Variants in CNTN4 observed in about 807,000 individuals in gnomAD.
CNTN4 encodes contactin-4.
A neutral mutation model predicts 122.5 loss-of-function variants in CNTN4; 77 were observed. The observed-to-expected ratio is 0.63, with a 90% CI of 0.52 to 0.76. CNTN4 has a LOEUF of 0.76. Among genes scored for constraint, CNTN4 ranks in the 30% least tolerant of loss-of-function variants. The pLI, the probability that CNTN4 is intolerant of heterozygous loss-of-function variation, is 0.00. For missense variants in CNTN4, 1,256 were observed against 1,259.1 expected, an observed-to-expected ratio of 1.00 and a Z score of 0.04; for synonymous variants, 512 against 447.0, an observed-to-expected ratio of 1.15 and a Z score of -1.83.
chr3:2,896,736 C>A (rs1350390336), intron 10 of CNTN4, among the ~76,000 whole-genome samples: 1 of 152,210 alleles, frequency 6.6e-6, no homozygotes, highest in East Asian at 1.9e-4. Context: ...TGGGAAGCAT[C>A]TATGTATATA....
At chr3:2,177,507 G>C (rs1027671536) in intron 2 of CNTN4, among the ~76,000 whole-genome samples, 1 of 152,042 alleles carries the variant, frequency 6.6e-6, no homozygotes, top group African/African-American at 2.4e-5. Context: ...TTCTTTAGCA[G>C]GCTATTCAGC....
chr3:2,389,815 G>C (rs67583614), intron 3 of CNTN4, among the ~76,000 whole-genome samples: 24,691 of 151,952 alleles, frequency 0.16, 2,433 homozygotes, highest in Middle Eastern at 0.26. Flanking sequence ...TTGATGGGTT[G>C]CACTAAGAAA....
intron 2 of CNTN4, among the ~76,000 whole-genome samples, chr3:2,162,590 C>A (rs17194154): frequency 1.3e-5 from 2 of 152,020 alleles, no homozygotes; most frequent in Non-Finnish European, 2.9e-5. Context: ...GGGAGCTGTT[C>A]TGACCTGTTT....
chr3:2,507,953 G>A (rs1017522145), intron 3 of CNTN4, among the ~76,000 whole-genome samples: 2 of 151,934 alleles, frequency 1.3e-5, no homozygotes, highest in Non-Finnish European at 2.9e-5. Context: ...AGTGGTAGAT[G>A]AATATCAAGG....
chr3:2,690,336 AGTGTGTTC>A (rs1171466212), intron 4 of CNTN4, among the ~76,000 whole-genome samples: 2 of 152,090 alleles, frequency 1.3e-5, no homozygotes, highest in Non-Finnish European at 2.9e-5. Flanking sequence ...TAAAGTCCCA[AGTGTGTTC>A]GTTTCTAAGA....
At chr3:2,309,769 G>A (rs1194188596) in intron 2 of CNTN4, among the ~76,000 whole-genome samples, 1 of 152,134 alleles carries the variant, frequency 6.6e-6, no homozygotes, top group Non-Finnish European at 1.5e-5. Context: ...GACATAGTTT[G>A]TGGAACAAGC....
chr3:2,976,966 T>A (rs1693476320), intron 13 of CNTN4, among the ~76,000 whole-genome samples: 1 of 152,182 alleles, frequency 6.6e-6, no homozygotes, highest in Non-Finnish European at 1.5e-5. Flanking sequence ...CTGCCAGGCT[T>A]TTCTAATTTC....
intron 6 of CNTN4, among the ~76,000 whole-genome samples, chr3:2,812,077 A>T (rs2092626069): frequency 6.6e-6 from 1 of 152,202 alleles, no homozygotes; most frequent in Admixed American, 6.5e-5. Context: ...CTAAGATGAG[A>T]ACACGTGGAC....
chr3:2,838,692 C>T lies in CNTN4; in HGVS notation c.454+19111C>T, dbSNP rs114238178. Among the ~76,000 whole-genome samples the T allele has an allele frequency of 7.8e-3, 1,180 of 152,244 alleles. 6 individuals carry two copies. The highest frequency in any genetic ancestry group is 0.013 in the Non-Finnish European group (867 of 68,026). On this transcript the variant is annotated intron_variant, in intron 7 of 24. Transcript: ENST00000418658. Reference sequence around the variant, plus strand: ...CAGCTCTTGAAGCAGACTAATGATTCCCTGCTGACTATCTGCTCTGCTTGC... The same window carrying T: ...CAGCTCTTGAAGCAGACTAATGATTTCCTGCTGACTATCTGCTCTGCTTGC...
At chr3:2,645,750 C>G (rs1407543128) in intron 4 of CNTN4, among the ~76,000 whole-genome samples, 1 of 152,102 alleles carries the variant, frequency 6.6e-6, no homozygotes, top group Admixed American at 6.5e-5. Context: ...ACTCTTTGTT[C>G]ATGATGAAGA....
Position 3,035,172 on chromosome 3 carries a change from G to A in CNTN4, c.1942+382G>A, listed in dbSNP as rs571509560. Among the ~76,000 whole-genome samples, 5 of 152,028 alleles carry A rather than the reference G, an allele frequency of 3.3e-5. No individual in the cohort carries two copies. In the South Asian group the frequency reaches 1.0e-3, roughly 32 times the overall value. On this transcript the variant is annotated intron_variant, in intron 17 of 24. Coordinates refer to ENST00000418658, the MANE Select transcript of CNTN4 (RefSeq NM_175607.3). ...AATATACAAAAATTAGCCTGGCATG[G>A]TGGTGCGTGCCTGCAGTCCTAGCAA...
intron 3 of CNTN4, among the ~76,000 whole-genome samples, chr3:2,517,508 A>G (rs1184890527): frequency 6.6e-6 from 1 of 152,154 alleles, no homozygotes; most frequent in Non-Finnish European, 1.5e-5. Context: ...TCAACCTTTC[A>G]GAGAGTAAAT....
At chr3:2,335,281 T>G (rs1388172340) in intron 2 of CNTN4, among the ~76,000 whole-genome samples, 1 of 148,484 alleles carries the variant, frequency 6.7e-6, no homozygotes, top group Non-Finnish European at 1.5e-5. Context: ...ACATGGAAAG[T>G]TTAGTGAATT....
intron 2 of CNTN4, among the ~76,000 whole-genome samples, chr3:2,195,975 CAT>C (rs1485220611): frequency 2.6e-5 from 4 of 152,126 alleles, no homozygotes; most frequent in African/African-American, 4.8e-5. Flanking sequence ...TAAATACTCA[CAT>C]GTTTGTCTGA....
At chr3:2,183,626 T>C (rs1356188450) in intron 2 of CNTN4, among the ~76,000 whole-genome samples, 1 of 152,198 alleles carries the variant, frequency 6.6e-6, no homozygotes, top group Admixed American at 6.5e-5. Flanking sequence ...TGTTAGTCTT[T>C]ATCTGTTTGT....
intron 2 of CNTN4, among the ~76,000 whole-genome samples, chr3:2,336,719 T>C (rs111321479): frequency 1.7e-3 from 261 of 152,262 alleles, no homozygotes; most frequent in African/African-American, 6.1e-3. Context: ...GGGACTTGAC[T>C]TAGGAAGTCA....
intron 2 of CNTN4, among the ~76,000 whole-genome samples, chr3:2,330,948 A>G (rs1034184867): frequency 2.0e-5 from 3 of 152,196 alleles, no homozygotes; most frequent in Non-Finnish European, 4.4e-5. Flanking sequence ...ATCACATCAC[A>G]TAATGTGACA....
intron 13 of CNTN4, among the ~76,000 whole-genome samples, chr3:2,957,775 C>G (rs1170569594): frequency 9.8e-3 from 3 of 306 alleles, no homozygotes; most frequent in East Asian, 0.071. Flanking sequence ...CGATTTTGTT[C>G]TTTTATATGC....
At chr3:2,240,559 T>C (rs1053785242) in intron 2 of CNTN4, among the ~76,000 whole-genome samples, 2 of 152,132 alleles carry the variant, frequency 1.3e-5, no homozygotes, top group African/African-American at 4.8e-5. Flanking sequence ...TGATTTTTAA[T>C]ATATTAGAGT....
Sources: allele counts gnomAD v4.1 joint callset (sites outside exome capture counted in the v4.1 genomes callset), GRCh38; gene constraint gnomAD v4.1.1; transcripts MANE v1.5; gene names NCBI Gene and HGNC (gene_info 2026-07-23, HGNC 2026-07-21).